SLC9C1: variants seen among roughly 807,000 people sequenced by gnomAD.
SLC9C1 encodes the protein solute carrier family 9 member C1.
SLC9C1 carries 97 observed loss-of-function variants against 140.9 expected under a neutral mutation model. The observed-to-expected ratio is 0.69, with a 90% CI of 0.58 to 0.82. The LOEUF (loss-of-function observed/expected upper bound fraction) is 0.82, where lower values mean the gene tolerates loss of function less well. SLC9C1 is among the 40% of genes least tolerant of loss of function. The probability of loss-of-function intolerance (pLI) is 0.00; values close to 1 mark genes in which losing one functional copy is unlikely to be tolerated. For synonymous variants in SLC9C1, 440 were observed against 442.6 expected (o/e 0.99, Z 0.07); for missense variants, 1,340 against 1,389.3 (o/e 0.96, Z 0.56).
intron 26 of SLC9C1, 85 bp from the exon 27 acceptor site, chr3:112,155,134 G>T: frequency 8.5e-7 from 1 of 1,182,080 alleles, no homozygotes; most frequent in Non-Finnish European, 1.2e-6. Context: ...GATTAGATCA[G>T]ATTCAAATCA....
chr3:112,209,753 AAAC>A (rs1293804632), intron 15 of SLC9C1, among the ~76,000 whole-genome samples: 1 of 152,220 alleles, frequency 6.6e-6, no homozygotes, highest in Non-Finnish European at 1.5e-5. Flanking sequence ...ATAGCACCAA[AAAC>A]AACAAAATAG....
Position 112,180,634 on chromosome 3 carries a change from C to A in SLC9C1, c.2678G>T (p.Cys893Phe), listed in dbSNP as rs1305188371. Residue 893 changes from cysteine to phenylalanine, a missense_variant, in exon 22 of 29, where the codon TGT becomes TTT. By Grantham distance (205) the Cys-to-Phe change is radical. Coordinates refer to ENST00000305815, the MANE Select transcript of SLC9C1 (RefSeq NM_183061.3). ...QEKAKVVTFD[C>F]GNDIFEEGDE... ...ACCTTCTTCAAATATATCATTTCCACAATCAAATGTTACAACTTTGGCTTT... is the reference window on the plus strand; with the variant it reads ...ACCTTCTTCAAATATATCATTTCCAAAATCAAATGTTACAACTTTGGCTTT... 8.7e-6 allele frequency: 14 copies of A among 1,613,124 alleles called. No homozygotes were observed. The highest frequency in any genetic ancestry group is 1.3e-5 in the African/African-American group (1 of 74,868).
chr3:112,203,720 C>T (rs184442882), intron 17 of SLC9C1, among the ~76,000 whole-genome samples: 39 of 151,872 alleles, frequency 2.6e-4, no homozygotes, highest in Admixed American at 2.3e-3. Context: ...CAGAAAATAA[C>T]CACCCATAAT....
intron 2 of SLC9C1, among the ~76,000 whole-genome samples, chr3:112,284,543 G>A (rs902957833): frequency 5.9e-5 from 9 of 152,208 alleles, no homozygotes; most frequent in East Asian, 1.9e-4. Flanking sequence ...GAATGTTAAC[G>A]CTGCTGCTGT....
intron 26 of SLC9C1, among the ~76,000 whole-genome samples, chr3:112,163,810 C>T (rs940531643): frequency 6.6e-5 from 10 of 152,104 alleles, no homozygotes; most frequent in African/African-American, 2.2e-4. Flanking sequence ...GAGCTGAGTA[C>T]AATTCCTGGG....
intron 15 of SLC9C1, among the ~76,000 whole-genome samples, chr3:112,208,731 T>C (rs6766996): frequency 0.45 from 69,090 of 152,042 alleles, 16,193 homozygotes; most frequent in East Asian, 0.63. Context: ...ATAATTCCTA[T>C]TTTCAGAGAT....
At chr3:112,175,963 G>T (rs2077329202) in intron 23 of SLC9C1, among the ~76,000 whole-genome samples, 1 of 152,174 alleles carries the variant, frequency 6.6e-6, no homozygotes, top group Admixed American at 6.5e-5. Context: ...GACCATCATT[G>T]GTCAGTCCCC....
chr3:112,151,769 A>C (rs2074987454), intron 28 of SLC9C1, 88 bp downstream of exon 28: 1 of 921,614 alleles, frequency 1.1e-6, no homozygotes, highest in African/African-American at 1.7e-5. Context: ...TCACACTATC[A>C]CATAAAGGGC....
At chr3:112,190,181 A>G (rs2077627419) in intron 20 of SLC9C1, among the ~76,000 whole-genome samples, 1 of 152,206 alleles carries the variant, frequency 6.6e-6, no homozygotes, top group Non-Finnish European at 1.5e-5. Context: ...ATCTGCAAAC[A>G]GGGAAAATTT....
intron 7 of SLC9C1, among the ~76,000 whole-genome samples, chr3:112,269,495 T>G (rs1233347023): frequency 6.6e-6 from 1 of 152,224 alleles, no homozygotes; most frequent in Non-Finnish European, 1.5e-5. Flanking sequence ...TTCTTCGAGT[T>G]AATTTCTGCG....
rs374547341 is a variant in SLC9C1 at position 112,169,238 on chromosome 3, C to G, written c.3010G>C (p.Ala1004Pro). Residue 1004 changes from alanine to proline, a missense_variant, in exon 24 of 29, where the codon GCT (alanine) becomes CCT (proline). Ala to Pro is a conservative substitution (Grantham distance 27). Transcript: ENST00000305815. ...KQKMWLKLGL[A>P]ITARKIREHL... ...TCTCTGATTTTTCTGGCTGTAATAG[C>G]GAGTCCAAGTTTTAGCCACATTTTT... The G allele has an allele frequency of 1.9e-6, 3 of 1,613,370 alleles. No homozygotes were observed. Among genetic ancestry groups the G allele is most frequent in the African/African-American group, 2.7e-5 (2 of 74,884 alleles).
chr3:112,205,084 T>G (rs978681491), intron 16 of SLC9C1, among the ~76,000 whole-genome samples: 1 of 152,048 alleles, frequency 6.6e-6, no homozygotes, highest in African/African-American at 2.4e-5. Flanking sequence ...ATAAAGGGTA[T>G]TCAGTTAGGA....
rs780959287 is a variant in SLC9C1, at chr3:112,141,280, T to C, written c.3526A>G (p.Lys1176Glu). ...CGGTCTTCTTAACAGTCTTACTCTT[T>C]CCTAATAGAAGCGGAAAGAAAAAAC... ...SPRINLRKVR[K>E]E is the part of the protein sequence containing the mutation. The change falls in exon 29 of 29, where the codon AAA becomes GAA. Residue 1176 changes from lysine to glutamate, a missense_variant and splice_region_variant. Lys to Glu is a moderately conservative substitution (Grantham distance 56). Coordinates refer to ENST00000305815, the MANE Select transcript of SLC9C1 (RefSeq NM_183061.3). 1 of 1,583,772 alleles carries C rather than the reference T, an allele frequency of 6.3e-7. No individual in the cohort carries two copies. Among genetic ancestry groups the C allele is most frequent in the South Asian group, 1.2e-5 (1 of 86,364 alleles).
rs534519305 is a variant in SLC9C1, at chr3:112,269,805, T to G, written c.775+111A>C. On this transcript the variant is annotated intron_variant, in intron 7 of 28. Transcript: ENST00000305815. ...AGATTATTTTAATAAAAATATTCTG[T>G]CTAGATCAGTTGAATGTTTTTACTA... is the stretch of plus-strand genomic sequence containing the variant. 71 of 824,254 alleles carry G rather than the reference T, an allele frequency of 8.6e-5. No individual in the cohort carries two copies. In the South Asian group the frequency reaches 1.8e-3, roughly 21 times the overall value. 51.1% of individuals were successfully genotyped at this position (824,254 alleles called of 1,614,324 possible).
chr3:112,152,582 G>A (rs1302350280), intron 27 of SLC9C1, among the ~76,000 whole-genome samples: 1 of 151,924 alleles, frequency 6.6e-6, no homozygotes, highest in Non-Finnish European at 1.5e-5. Flanking sequence ...ACCCTGTATT[G>A]GTGTCAGGCT....
At position 112,225,113 on chromosome 3, in the gene SLC9C1, CA is replaced by C. The variant is rs2078648799; in HGVS notation, c.1573-3889del. Among the ~76,000 whole-genome samples the C allele has an allele frequency of 5.3e-5, 8 of 151,944 alleles. No individual in the cohort carries two copies. The South Asian group carries it at 1.7e-3, about 31-fold the overall frequency. ...TAGTCAAACTGTCAAAAGTCAAAGA[CA>C]GAGAGAATTTTAAAAATAGAAAAAG... On this transcript the variant is annotated intron_variant, in intron 13 of 28. Transcript: ENST00000305815.
rs888671355 is a variant in SLC9C1 at position 112,193,459 on chromosome 3, A to G, written c.2523+5862T>C. 6.6e-5 allele frequency among the ~76,000 whole-genome samples: 10 copies of G among 152,132 alleles called. 1 individual carries two copies. The highest frequency in any genetic ancestry group is 5.9e-4 in the Admixed American group (9 of 15,280). On this transcript the variant is annotated intron_variant, in intron 20 of 28. Transcript: ENST00000305815. Reference sequence around the variant, plus strand: ...TTTCTCAGGCCCTTAGTTCTGGTGCAGGGCATTCAGCAGGCCAGAGGCATG... The same window carrying G: ...TTTCTCAGGCCCTTAGTTCTGGTGCGGGGCATTCAGCAGGCCAGAGGCATG...
intron 10 of SLC9C1, among the ~76,000 whole-genome samples, chr3:112,262,118 C>G (rs2079789824): frequency 6.6e-6 from 1 of 151,984 alleles, no homozygotes; most frequent in Non-Finnish European, 1.5e-5. Context: ...CAAATAGCAT[C>G]TAAGCTGAAA....
intron 2 of SLC9C1, among the ~76,000 whole-genome samples, chr3:112,283,843 C>CAA (rs386397631): frequency 0.012 from 1,333 of 111,920 alleles, 49 homozygotes; most frequent in African/African-American, 0.043. Flanking sequence ...AATCACTGTG[C>CAA]AAAAAAAAAA....
Sources: gnomAD v4.1 joint callset for allele counts (sites outside exome capture counted in the v4.1 genomes callset) on GRCh38, gnomAD v4.1.1 for gene constraint, MANE v1.5 for transcripts, NCBI Gene and HGNC (gene_info 2026-07-23, HGNC 2026-07-21) for gene names.